The following ZFHX3 variants were observed in gnomAD, a reference collection of about 807,000 sequenced individuals.
ZFHX3 encodes the protein zinc finger homeobox 3.
ZFHX3 carries 42 observed loss-of-function variants against 279.1 expected under a neutral mutation model. The ratio of observed to expected loss-of-function variants is 0.15; its 90% confidence interval spans 0.12 to 0.19. ZFHX3 has a LOEUF of 0.19. ZFHX3 is among the 10% of genes least tolerant of loss of function. ZFHX3 has a pLI of 1.00. For missense variants in ZFHX3, 4,981 were observed against 4,754.0 expected (o/e 1.05, Z -1.40); for synonymous variants, 2,293 against 1,957.8 (o/e 1.17, Z -4.52).
At chr16:73,512,772 T>C (rs936827993) in intron 2 of ZFHX3, among the ~76,000 whole-genome samples, 1 of 152,156 alleles carries the variant, frequency 6.6e-6, no homozygotes, top group Non-Finnish European at 1.5e-5. Flanking sequence ...TTCAGGAAAG[T>C]GTCAGAGGGT....
rs560608267 is a variant in ZFHX3 at position 73,268,498 on chromosome 16, G to A, written c.-1193-11362C>T. On this transcript the variant is annotated intron_variant, in intron 4 of 17. Transcript: ENST00000641206. ...GCCACTGGCGCTGCGCCCGACGCAGGGCATGGCTCTGAATGGCTCTGGCAT... is the reference window on the plus strand; with the variant it reads ...GCCACTGGCGCTGCGCCCGACGCAGAGCATGGCTCTGAATGGCTCTGGCAT... Among the ~76,000 whole-genome samples the A allele has an allele frequency of 3.3e-5, 5 of 152,282 alleles. No homozygotes were observed. In the South Asian group the frequency reaches 1.0e-3, roughly 32 times the overall value.
At chr16:73,811,517 T>G (rs1263174488) in intron 1 of ZFHX3, among the ~76,000 whole-genome samples, 1 of 146,452 alleles carries the variant, frequency 6.8e-6, no homozygotes, top group African/African-American at 2.5e-5. Context: ...TGATCTCAGC[T>G]CACTGTAACC....
intron 1 of ZFHX3, among the ~76,000 whole-genome samples, chr16:73,750,221 T>A (rs1195465413): frequency 6.6e-6 from 1 of 152,178 alleles, no homozygotes; most frequent in African/African-American, 2.4e-5. Context: ...TGGATGGATC[T>A]TTTTGTATCG....
chr16:73,469,616 T>A (rs1461438335), intron 2 of ZFHX3, among the ~76,000 whole-genome samples: 1 of 148,790 alleles, frequency 6.7e-6, no homozygotes, highest in Non-Finnish European at 1.5e-5. Context: ...CAACCTCCAA[T>A]ATATATATAT....
At chr16:73,238,243 T>A (rs1490080338) in intron 5 of ZFHX3, among the ~76,000 whole-genome samples, 2 of 152,202 alleles carry the variant, frequency 1.3e-5, no homozygotes, top group Non-Finnish European at 2.9e-5. Flanking sequence ...ACACTTTGTT[T>A]TGTGTAATGT....
At chr16:72,883,864 C>T (rs899479663) in intron 4 of ZFHX3, among the ~76,000 whole-genome samples, 2 of 152,096 alleles carry the variant, frequency 1.3e-5, no homozygotes, top group South Asian at 4.1e-4. Context: ...ATACCTTCCC[C>T]AAACCCGGTA....
At chr16:72,983,265 T>C (rs933713508) in intron 1 of ZFHX3, among the ~76,000 whole-genome samples, 8 of 152,186 alleles carry the variant, frequency 5.3e-5, no homozygotes, top group Admixed American at 3.9e-4. Context: ...AGAGCATTAA[T>C]GCGGAAAACA....
In ZFHX3 at chr16:73,725,077, A is replaced by C. The variant is rs532186848; in HGVS notation, c.-1607-44837T>G. ...ATAAACTGGCTCCTTCCTCACCAGA[A>C]AGGGCCTCAGTCGAGATGTAGAAAG... On this transcript the variant is annotated intron_variant, in intron 1 of 17. Coordinates refer to the ZFHX3 transcript ENST00000641206. Among the ~76,000 whole-genome samples the C allele has an allele frequency of 5.3e-5, 8 of 152,348 alleles. No individual in the cohort carries two copies. In the East Asian group the frequency reaches 1.5e-3, roughly 29 times the overall value.
At position 72,787,245 on chromosome 16, in the gene ZFHX3, G is replaced by A. The variant is rs952562586; in HGVS notation, c.11031C>T (p.Ser3677=). The A allele has an allele frequency of 8.7e-6, 14 of 1,613,928 alleles. No homozygotes were observed. The African/African-American group carries it at 1.6e-4, about 18-fold the overall frequency. Reference sequence around the variant, plus strand: ...TGGGGTCTTTGGGACCCTCCACCGGGCTCGCCGGTCCGTCGGACTTTTGGC... The same window carrying A: ...TGGGGTCTTTGGGACCCTCCACCGGACTCGCCGGTCCGTCGGACTTTTGGC... ...DLSQKSDGPA[S]PVEGPKDPSC... is the part of the protein sequence containing the mutation. Residue 3677 remains serine, a synonymous_variant, in exon 10 of 10, where the codon AGC becomes AGT. Coordinates refer to ENST00000268489, the MANE Select transcript of ZFHX3 (RefSeq NM_006885.4).
At chr16:73,329,231 A>G (rs537785999) in intron 3 of ZFHX3, among the ~76,000 whole-genome samples, 1 of 152,322 alleles carries the variant, frequency 6.6e-6, no homozygotes, top group East Asian at 1.9e-4. Context: ...GGATTCCACA[A>G]TTCATCACGC....
chr16:72,925,343 T>C (rs1959391345), intron 3 of ZFHX3, among the ~76,000 whole-genome samples: 1 of 152,220 alleles, frequency 6.6e-6, no homozygotes, highest in Admixed American at 6.5e-5. Flanking sequence ...ATCACTGAGC[T>C]AGCTTATACT....
chr16:73,308,279 T>G (rs56893021), intron 4 of ZFHX3, among the ~76,000 whole-genome samples: 1 of 46,662 alleles, frequency 2.1e-5, no homozygotes, highest in East Asian at 9.1e-4. Flanking sequence ...ATATATATAT[T>G]TATTTATTTA....
chr16:73,144,811 T>C (rs1966856574), intron 5 of ZFHX3, among the ~76,000 whole-genome samples: 1 of 152,182 alleles, frequency 6.6e-6, no homozygotes, highest in Admixed American at 6.5e-5. Context: ...ATGCCTGCAC[T>C]GAAGAGCATA....
At chr16:73,541,101 T>C (rs761191868) in intron 2 of ZFHX3, among the ~76,000 whole-genome samples, 2 of 152,132 alleles carry the variant, frequency 1.3e-5, no homozygotes, top group African/African-American at 4.8e-5. Flanking sequence ...CACCCGTCCA[T>C]CTGCAGCCTG....
intron 1 of ZFHX3, among the ~76,000 whole-genome samples, chr16:73,752,242 G>C (rs1302896475): frequency 6.6e-6 from 1 of 151,992 alleles, no homozygotes; most frequent in South Asian, 2.1e-4. Flanking sequence ...GGTCTATAAC[G>C]ACCTCCTTTT....
chr16:73,755,554 A>AT (rs986845838), intron 1 of ZFHX3, among the ~76,000 whole-genome samples: 48 of 152,170 alleles, frequency 3.2e-4, no homozygotes, highest in Admixed American at 2.0e-3. Context: ...AAACAATTCA[A>AT]TTTTTTTTAA....
chr16:73,575,570 A>G (rs998213929), intron 2 of ZFHX3, among the ~76,000 whole-genome samples: 1 of 152,222 alleles, frequency 6.6e-6, no homozygotes, highest in Admixed American at 6.5e-5. Context: ...AGAAATATCC[A>G]GGGCAACATA....
At chr16:72,933,214 T>TATGTTA (rs1245924869) in intron 3 of ZFHX3, among the ~76,000 whole-genome samples, 1 of 152,184 alleles carries the variant, frequency 6.6e-6, no homozygotes, top group Non-Finnish European at 1.5e-5. Flanking sequence ...CTTAACCAGG[T>TATGTTA]ATGTTACTAC....
chr16:73,661,723 G>GAAA (rs112763443), intron 2 of ZFHX3, among the ~76,000 whole-genome samples: 9 of 56,776 alleles, frequency 1.6e-4, no homozygotes, highest in South Asian at 6.2e-4. Flanking sequence ...CTCCATCTCA[G>GAAA]AAAAAAAAAA....
Sources: gnomAD v4.1 joint callset for allele counts (sites outside exome capture counted in the v4.1 genomes callset) on GRCh38, gnomAD v4.1.1 for gene constraint, MANE v1.5 for transcripts, NCBI Gene and HGNC (gene_info 2026-07-23, HGNC 2026-07-21) for gene names.